VPS13C: variants seen among roughly 807,000 people sequenced by gnomAD.
VPS13C encodes the protein vacuolar protein sorting 13 homolog C.
Under a neutral mutation model 456.8 loss-of-function variants are expected in VPS13C, and 358 were observed. That is an observed-to-expected ratio of 0.78 (90% CI 0.72 to 0.86). The LOEUF (loss-of-function observed/expected upper bound fraction) is 0.86. Among genes scored for constraint, VPS13C ranks in the 40% least tolerant of loss-of-function variants. The pLI is 0.00. For synonymous variants in VPS13C, 1,578 were observed against 1,486.7 expected (o/e 1.06, Z -1.41); for missense variants, 4,818 against 4,385.4 (o/e 1.10, Z -2.79).
chr15:62,052,516 C>CA (rs1405267697), intron 1 of VPS13C, among the ~76,000 whole-genome samples: 1 of 151,310 alleles, frequency 6.6e-6, no homozygotes, highest in Non-Finnish European at 1.5e-5. Context: ...CTAAAAAATA[C>CA]AAAAAAATTA....
chr15:62,040,659 C>A (rs1289392754), intron 3 of VPS13C, among the ~76,000 whole-genome samples: 1 of 151,918 alleles, frequency 6.6e-6, no homozygotes, highest in Non-Finnish European at 1.5e-5. Flanking sequence ...CACCATTACT[C>A]AATATATCCA....
intron 14 of VPS13C, 106 bp downstream of exon 14, chr15:62,008,549 T>C: frequency 1.6e-6 from 1 of 619,134 alleles, no homozygotes; most frequent in Admixed American, 3.7e-5. Flanking sequence ...TGTCTCTTTT[T>C]TTAAAGTGGC....
At chr15:61,891,710 TATTATC>T (rs2042656947) in intron 66 of VPS13C, among the ~76,000 whole-genome samples, 3 of 152,238 alleles carry the variant, frequency 2.0e-5, no homozygotes, top group Admixed American at 6.5e-5. Context: ...TTCTGTGTCA[TATTATC>T]ATTATCTATT....
intron 47 of VPS13C, among the ~76,000 whole-genome samples, chr15:61,937,226 G>A (rs1187004097): frequency 6.6e-6 from 1 of 152,116 alleles, no homozygotes; most frequent in Non-Finnish European, 1.5e-5. Context: ...ATATGCATCT[G>A]GACATACATA....
rs149879020 is a variant in VPS13C at position 61,861,263 on chromosome 15, C to T, written c.10952+2177G>A. Among the ~76,000 whole-genome samples the T allele has an allele frequency of 5.1e-3, 770 of 152,134 alleles. 9 individuals carry two copies. Among genetic ancestry groups the T allele is most frequent in the African/African-American group, 0.018 (732 of 41,528 alleles). On this transcript the variant is annotated intron_variant, in intron 82 of 84. Coordinates refer to ENST00000644861, the MANE Select transcript of VPS13C (RefSeq NM_020821.3). Reference sequence around the variant, plus strand: ...ACAGGCTTAAGCCACCACACCCAGCCTATTTTCATCTCCTTATTTTCAATA... The same window carrying T: ...ACAGGCTTAAGCCACCACACCCAGCTTATTTTCATCTCCTTATTTTCAATA...
chr15:61,973,181 T>C (rs1003967833), intron 26 of VPS13C, among the ~76,000 whole-genome samples: 1 of 152,062 alleles, frequency 6.6e-6, no homozygotes, highest in African/African-American at 2.4e-5. Flanking sequence ...GAAAAGCTCA[T>C]GTAGAGATTG....
intron 21 of VPS13C, among the ~76,000 whole-genome samples, chr15:61,981,954 T>C (rs1056502979): frequency 2.0e-5 from 3 of 152,136 alleles, no homozygotes; most frequent in African/African-American, 7.2e-5. Context: ...CAATTCAGCA[T>C]GTAAGGTGAA....
At chr15:61,956,930 A>G (rs1219394074) in intron 37 of VPS13C, among the ~76,000 whole-genome samples, 3 of 152,126 alleles carry the variant, frequency 2.0e-5, no homozygotes, top group Non-Finnish European at 4.4e-5. Context: ...AATCTCACAT[A>G]TGACCCAGTA....
In VPS13C at chr15:61,947,239, G is replaced by C. The variant is rs776477088; in HGVS notation, c.4830C>G (p.Val1610=). The change falls in exon 43 of 85, where the codon GTC becomes GTG. Residue 1610 remains valine, a synonymous_variant. Coordinates refer to ENST00000644861, the MANE Select transcript of VPS13C (RefSeq NM_020821.3). ...KITAELNAFN[V]FVCDQKCNIA... The stretch of plus-strand genomic sequence containing the variant: ...TGTTACACTTCTGATCACAGACAAA[G>C]ACATTAAATGCATTTAATTCAGCTG... 2.5e-6 allele frequency: 4 copies of C among 1,606,334 alleles called. No homozygotes were observed. The highest frequency in any genetic ancestry group is 2.5e-6 in the Non-Finnish European group (3 of 1,177,260).
intron 31 of VPS13C, 41 bp from the exon 32 acceptor site, chr15:61,963,992 A>G: frequency 7.8e-7 from 1 of 1,286,602 alleles, no homozygotes; most frequent in East Asian, 2.3e-5. Flanking sequence ...GTGAGATTCT[A>G]GTCATCTACA....
chr15:61,951,674 G>C (rs1019331266), intron 39 of VPS13C, 150 bp downstream of exon 39: 1 of 698,724 alleles, frequency 1.4e-6, no homozygotes. Context: ...GGGTCCCCTA[G>C]AACTGTACCC....
At chr15:61,930,139 T>A (rs772176174) in intron 50 of VPS13C, among the ~76,000 whole-genome samples, 1 of 152,232 alleles carries the variant, frequency 6.6e-6, no homozygotes, top group Non-Finnish European at 1.5e-5. Context: ...ATATTATTTA[T>A]GAAATAAAAC....
chr15:61,876,979 A>G lies in VPS13C; in HGVS notation c.10218T>C (p.Ser3406=), dbSNP rs1310287703. Residue 3406 remains serine, a synonymous_variant, in exon 75 of 85, where the codon AGT becomes AGC. Coordinates refer to ENST00000644861, the MANE Select transcript of VPS13C (RefSeq NM_020821.3). The stretch of plus-strand genomic sequence containing the variant: ...TACTATGATAGGAAATTACCTGTTC[A>G]CTGTAATGCCTAACAACACTCCATA... ...QLIWSVVRHY[S]EQFLKQMYVL... is the part of the protein sequence containing the mutation. 6.3e-7 allele frequency: 1 copy of G among 1,599,976 alleles called. No individual in the cohort carries two copies. The highest frequency in any genetic ancestry group is 2.2e-5 in the East Asian group (1 of 44,496).
chr15:62,028,649 C>A (rs1164886831), intron 5 of VPS13C, among the ~76,000 whole-genome samples: 5 of 152,066 alleles, frequency 3.3e-5, no homozygotes, highest in African/African-American at 1.2e-4. Context: ...TTATAATAAT[C>A]ATTTCAAAAT....
intron 9 of VPS13C, among the ~76,000 whole-genome samples, chr15:62,017,743 G>C (rs973953143): frequency 2.6e-5 from 4 of 152,068 alleles, no homozygotes; most frequent in Non-Finnish European, 4.4e-5. Flanking sequence ...TTGTTCTTTT[G>C]GCTTAGGATT....
At chr15:62,039,821 T>C (rs2048182346) in intron 3 of VPS13C, among the ~76,000 whole-genome samples, 1 of 152,002 alleles carries the variant, frequency 6.6e-6, no homozygotes, top group African/African-American at 2.4e-5. Context: ...AAACTAAAAA[T>C]AGAACTACCA....
chr15:62,028,979 T>G (rs950272848), intron 5 of VPS13C, among the ~76,000 whole-genome samples: 2 of 152,146 alleles, frequency 1.3e-5, no homozygotes, highest in South Asian at 2.1e-4. Context: ...AGTTTTTCCT[T>G]AAATCATAAC....
chr15:62,013,834 C>T (rs1410594164), intron 10 of VPS13C, 99 bp downstream of exon 10: 3 of 869,412 alleles, frequency 3.5e-6, no homozygotes, highest in African/African-American at 3.4e-5. Flanking sequence ...ACTTTTAACT[C>T]ACACTCCAAT....
rs376886592 is a variant in VPS13C, at chr15:62,028,346, A to G, written c.448+12T>C. ...TTTATATAGTTGAATATAATTAACCATGCATACCCACCAGGCTTGATGTCC... is the reference window on the plus strand; with the variant it reads ...TTTATATAGTTGAATATAATTAACCGTGCATACCCACCAGGCTTGATGTCC... On this transcript the variant is annotated intron_variant, in intron 6 of 84. Transcript: ENST00000644861. 6.6e-5 allele frequency: 107 copies of G among 1,612,652 alleles called. No individual in the cohort carries two copies. Among genetic ancestry groups the G allele is most frequent in the Admixed American group, 5.8e-4 (35 of 59,972 alleles).
Sources: gnomAD v4.1 joint callset for allele counts (sites outside exome capture counted in the v4.1 genomes callset) on GRCh38, gnomAD v4.1.1 for gene constraint, MANE v1.5 for transcripts, NCBI Gene and HGNC (gene_info 2026-07-23, HGNC 2026-07-21) for gene names.